Variants in ADCY2 observed in about 807,000 individuals in gnomAD.
ADCY2 encodes adenylate cyclase 2, also known as adenylate cyclase type 2.
In ADCY2, 31 loss-of-function variants were observed where a neutral mutation model predicts 125.2. The observed-to-expected ratio is 0.25, with a 90% CI of 0.19 to 0.33. The LOEUF (loss-of-function observed/expected upper bound fraction) is 0.33, where lower values mean the gene tolerates loss of function less well. Ranked by LOEUF, ADCY2 falls within the 10% of genes least tolerant of loss-of-function variation. The pLI is 1.00. For missense variants in ADCY2, 904 were observed against 1,418.2 expected (o/e 0.64, Z 5.82); for synonymous variants, 512 against 548.4 (o/e 0.93, Z 0.93).
intron 4 of ADCY2, among the ~76,000 whole-genome samples, chr5:7,671,463 C>T (rs1443509456): frequency 1.3e-5 from 2 of 152,080 alleles, no homozygotes; most frequent in East Asian, 1.9e-4. Context: ...AACAGGGAAA[C>T]GGAGGAGGAT....
rs192176032 is a variant in ADCY2, at chr5:7,480,058, A to G, written c.409-40680A>G. On this transcript the variant is annotated intron_variant, in intron 2 of 24. Coordinates refer to ENST00000338316, the MANE Select transcript of ADCY2 (RefSeq NM_020546.3). The stretch of plus-strand genomic sequence containing the variant: ...TAGAGAAATACAAATCAAAACCACA[A>G]TGAGATACCATCTCACATAAGTCAG... Among the ~76,000 whole-genome samples the G allele has an allele frequency of 2.5e-3, 387 of 152,328 alleles. 2 individuals are homozygous for G. Among genetic ancestry groups the G allele is most frequent in the Non-Finnish European group, 4.0e-3 (275 of 68,028 alleles).
chr5:7,813,913 C>T (rs2126534396), intron 22 of ADCY2, among the ~76,000 whole-genome samples: 1 of 152,080 alleles, frequency 6.6e-6, no homozygotes, highest in East Asian at 1.9e-4. Flanking sequence ...TTTTACTACA[C>T]AAGATTTTGC....
chr5:7,825,188 AAC>A (rs1745431427), intron 24 of ADCY2, among the ~76,000 whole-genome samples: 2 of 152,144 alleles, frequency 1.3e-5, no homozygotes, highest in African/African-American at 4.8e-5. Context: ...GCGCCACGAC[AAC>A]GCTGCTGTGC....
chr5:7,722,819 G>A (rs997712463), intron 12 of ADCY2, among the ~76,000 whole-genome samples: 1 of 151,808 alleles, frequency 6.6e-6, no homozygotes, highest in African/African-American at 2.4e-5. Context: ...AATTAACCGG[G>A]CATGCTGGTG....
At chr5:7,589,456 GAAAA>G (rs561342689) in intron 3 of ADCY2, among the ~76,000 whole-genome samples, 12 of 22,238 alleles carry the variant, frequency 5.4e-4, no homozygotes, top group African/African-American at 1.6e-3. Context: ...AAGAAGGAAA[GAAAA>G]AGAAAGAAAG....
At chr5:7,648,910 G>C (rs1738992085) in intron 4 of ADCY2, among the ~76,000 whole-genome samples, 1 of 152,150 alleles carries the variant, frequency 6.6e-6, no homozygotes, top group African/African-American at 2.4e-5. Flanking sequence ...CAGAAGATAA[G>C]CTATAGAACT....
intron 16 of ADCY2, among the ~76,000 whole-genome samples, chr5:7,765,517 G>A (rs999876787): frequency 2.0e-5 from 3 of 152,054 alleles, no homozygotes; most frequent in Admixed American, 6.6e-5. Context: ...TTAGTCAAAT[G>A]ATATAACGGC....
chr5:7,663,367 G>T (rs1193183966), intron 4 of ADCY2, among the ~76,000 whole-genome samples: 1 of 152,236 alleles, frequency 6.6e-6, no homozygotes, highest in African/African-American at 2.4e-5. Flanking sequence ...TAGCGTGAGA[G>T]TCACCCCATG....
At chr5:7,807,332 A>G (rs1462494460) in intron 22 of ADCY2, among the ~76,000 whole-genome samples, 2 of 151,918 alleles carry the variant, frequency 1.3e-5, no homozygotes, top group Non-Finnish European at 2.9e-5. Context: ...TTCACCTTCT[A>G]CTTTCTCTCT....
At chr5:7,701,761 G>C (rs1741085078) in intron 7 of ADCY2, among the ~76,000 whole-genome samples, 2 of 152,122 alleles carry the variant, frequency 1.3e-5, no homozygotes, top group Non-Finnish European at 2.9e-5. Context: ...TTCCTTTTGT[G>C]TTTGGCTTCT....
intron 4 of ADCY2, among the ~76,000 whole-genome samples, chr5:7,672,911 C>T (rs1560170): frequency 0.76 from 115,217 of 151,588 alleles, 44,500 homozygotes; most frequent in South Asian, 0.84. Flanking sequence ...TGCTCTGCTC[C>T]GCCTGAATGG....
At chr5:7,517,146 C>T (rs144629666) in intron 2 of ADCY2, among the ~76,000 whole-genome samples, 52 of 152,190 alleles carry the variant, frequency 3.4e-4, no homozygotes, top group African/African-American at 1.1e-3. Flanking sequence ...AAGGCAAGTG[C>T]GGAGCTGGAG....
intron 4 of ADCY2, among the ~76,000 whole-genome samples, chr5:7,670,059 C>T (rs1158805825): frequency 6.6e-6 from 1 of 152,152 alleles, no homozygotes; most frequent in Non-Finnish European, 1.5e-5. Context: ...AAGTTGTCAC[C>T]AATGTTATTT....
At chr5:7,818,726 T>A (rs1267806908) in intron 23 of ADCY2, among the ~76,000 whole-genome samples, 1 of 152,114 alleles carries the variant, frequency 6.6e-6, no homozygotes, top group East Asian at 1.9e-4. Context: ...GGCTCTACCT[T>A]ACACAAAGAT....
At chr5:7,755,623 GTTA>G (rs925288322) in intron 15 of ADCY2, among the ~76,000 whole-genome samples, 1 of 152,166 alleles carries the variant, frequency 6.6e-6, no homozygotes, top group African/African-American at 2.4e-5. Context: ...GGCAGGTACT[GTTA>G]TTATCCCCGT....
intron 3 of ADCY2, among the ~76,000 whole-genome samples, chr5:7,524,788 T>C (rs1166556077): frequency 2.0e-5 from 3 of 152,178 alleles, no homozygotes; most frequent in Non-Finnish European, 4.4e-5. Flanking sequence ...TCCTTACCTA[T>C]GGTGTTCACT....
intron 2 of ADCY2, among the ~76,000 whole-genome samples, chr5:7,447,623 A>G (rs1427531962): frequency 1.3e-5 from 2 of 152,174 alleles, no homozygotes; most frequent in Non-Finnish European, 2.9e-5. Context: ...GCAGCTGGGC[A>G]GTGAGTGGGA....
intron 2 of ADCY2, among the ~76,000 whole-genome samples, chr5:7,422,620 T>C (rs1740244678): frequency 6.6e-6 from 1 of 152,214 alleles, no homozygotes; most frequent in Non-Finnish European, 1.5e-5. Flanking sequence ...ATTTCAGCCT[T>C]GGCAGGGAGA....
intron 3 of ADCY2, among the ~76,000 whole-genome samples, chr5:7,603,610 G>C (rs1324686525): frequency 6.6e-6 from 1 of 152,098 alleles, no homozygotes; most frequent in East Asian, 1.9e-4. Context: ...TTGAGCCTGA[G>C]GAAGGGTGTT....
Sources: gnomAD v4.1 joint callset for allele counts (sites outside exome capture counted in the v4.1 genomes callset) on GRCh38, gnomAD v4.1.1 for gene constraint, MANE v1.5 for transcripts, NCBI Gene and HGNC (gene_info 2026-07-23, HGNC 2026-07-21) for gene names.